The following CMTM8 variants were observed in gnomAD, a reference collection of about 807,000 sequenced individuals.
CMTM8 encodes the protein CKLF like MARVEL transmembrane domain containing 8, also known as CKLF-like MARVEL transmembrane domain-containing protein 8.
CMTM8 carries 12 observed loss-of-function variants against 18.6 expected under a neutral mutation model. The ratio of observed to expected loss-of-function variants is 0.65; its 90% CI spans 0.41 to 1.05. CMTM8 has a LOEUF of 1.05. Ranked by LOEUF, CMTM8 falls within the 50% of genes least tolerant of loss-of-function variation. CMTM8 has a pLI of 0.00. For missense variants in CMTM8, 217 were observed against 227.2 expected (o/e 0.95, Z 0.29); for synonymous variants, 87 against 90.6 (o/e 0.96, Z 0.23).
At position 32,238,952 on chromosome 3, in the gene CMTM8, C is replaced by T. The variant is rs1317792627; in HGVS notation, c.-21C>T. ...CCCGCCGGGGTCCCTGGGGACGCGC[C>T]AGCCCGGCAGTGGCTCGACGATGGA... On this transcript the variant is annotated 5_prime_UTR_variant, in exon 1 of 4. Coordinates refer to ENST00000307526, the MANE Select transcript of CMTM8 (RefSeq NM_178868.5). The T allele has an allele frequency of 6.5e-7, 1 of 1,543,210 alleles. No individual in the cohort carries two copies. Among genetic ancestry groups the T allele is most frequent in the Admixed American group, 2.0e-5 (1 of 50,560 alleles).
chr3:32,259,779 T>TGGTCACCACACA, intron 1 of CMTM8: 1 of 858,628 alleles, frequency 1.2e-6, no homozygotes, highest in East Asian at 2.4e-5. Flanking sequence ...AGCACCACAG[T>TGGTCACCACACA]GGTCACCACA....
chr3:32,258,659 G>A (rs1307021507), intron 1 of CMTM8, among the ~76,000 whole-genome samples: 6 of 152,014 alleles, frequency 3.9e-5, no homozygotes, highest in Non-Finnish European at 5.9e-5. Context: ...ACAGGCATGT[G>A]CCACCATGCC....
chr3:32,361,238 C>G (rs946741753), intron 2 of CMTM8, among the ~76,000 whole-genome samples: 1 of 146,490 alleles, frequency 6.8e-6, no homozygotes, highest in Non-Finnish European at 1.5e-5. Flanking sequence ...GCCTCGGTCT[C>G]CCAAAGTACT....
chr3:32,366,590 A>G (rs1697042315), intron 2 of CMTM8, among the ~76,000 whole-genome samples: 1 of 152,240 alleles, frequency 6.6e-6, no homozygotes, highest in Non-Finnish European at 1.5e-5. Flanking sequence ...AAAATTAGCA[A>G]CATTGAAATG....
chr3:32,252,179 G>A (rs1454759339), intron 1 of CMTM8, among the ~76,000 whole-genome samples: 1 of 152,160 alleles, frequency 6.6e-6, no homozygotes, highest in African/African-American at 2.4e-5. Context: ...TTACCCAAGT[G>A]GATATCCAGT....
intron 1 of CMTM8, among the ~76,000 whole-genome samples, chr3:32,336,537 A>G (rs1696389460): frequency 1.3e-5 from 2 of 152,240 alleles, no homozygotes; most frequent in Admixed American, 1.3e-4. Flanking sequence ...AAATAAAGAT[A>G]ATCATATCTC....
chr3:32,251,112 C>A (rs1702105280), intron 1 of CMTM8, among the ~76,000 whole-genome samples: 1 of 152,050 alleles, frequency 6.6e-6, no homozygotes, highest in Non-Finnish European at 1.5e-5. Flanking sequence ...TTGATATTTG[C>A]CAACTTGTTT....
At chr3:32,264,759 C>G (rs1409036559) in intron 1 of CMTM8, among the ~76,000 whole-genome samples, 2 of 152,018 alleles carry the variant, frequency 1.3e-5, no homozygotes, top group African/African-American at 2.4e-5. Context: ...GGAGGAAGAT[C>G]TACCAAGCAA....
intron 1 of CMTM8, among the ~76,000 whole-genome samples, chr3:32,280,042 A>T (rs1002756134): frequency 2.6e-5 from 4 of 151,796 alleles, no homozygotes; most frequent in Admixed American, 1.3e-4. Flanking sequence ...ATAATTAGTG[A>T]TTTTTTTAAG....
rs1461691344 is a variant in CMTM8, at chr3:32,299,508, A to G, written c.148-57865A>G. ...TTTTTAATTTTTGTGGCTACATAGT[A>G]GGTGCTTATGTACCTGGGGTACATG... On this transcript the variant is annotated intron_variant, in intron 1 of 3. Coordinates refer to ENST00000307526, the MANE Select transcript of CMTM8 (RefSeq NM_178868.5). Among the ~76,000 whole-genome samples the G allele has an allele frequency of 2.6e-5, 4 of 152,286 alleles. No individual in the cohort carries two copies. The East Asian group carries it at 7.7e-4, about 29-fold the overall frequency.
chr3:32,330,576 A>G (rs1696255651), intron 1 of CMTM8, among the ~76,000 whole-genome samples: 1 of 152,180 alleles, frequency 6.6e-6, no homozygotes, highest in Admixed American at 6.5e-5. Flanking sequence ...ATATAGACCA[A>G]TGGAACAGAA....
At chr3:32,277,915 G>T (rs972370885) in intron 1 of CMTM8, among the ~76,000 whole-genome samples, 1 of 152,176 alleles carries the variant, frequency 6.6e-6, no homozygotes, top group Non-Finnish European at 1.5e-5. Context: ...ATGCATGTTT[G>T]ACTGTTGTGA....
At chr3:32,333,471 C>G (rs536328601) in intron 1 of CMTM8, among the ~76,000 whole-genome samples, 9 of 152,194 alleles carry the variant, frequency 5.9e-5, no homozygotes, top group African/African-American at 2.2e-4. Context: ...TAACAAGACC[C>G]CTGGTGATTG....
intron 1 of CMTM8, among the ~76,000 whole-genome samples, chr3:32,298,053 T>C (rs900066773): frequency 2.7e-5 from 4 of 148,420 alleles, no homozygotes; most frequent in African/African-American, 1.0e-4. Context: ...ATCTCTTAAC[T>C]AAAAACTTTT....
intron 1 of CMTM8, among the ~76,000 whole-genome samples, chr3:32,265,267 T>G (rs1295797779): frequency 6.6e-6 from 1 of 152,182 alleles, no homozygotes; most frequent in Non-Finnish European, 1.5e-5. Flanking sequence ...CAGACCACAG[T>G]GCAATCAAAC....
chr3:32,322,207 G>T (rs529295551), intron 1 of CMTM8, among the ~76,000 whole-genome samples: 1 of 152,282 alleles, frequency 6.6e-6, no homozygotes, highest in East Asian at 1.9e-4. Flanking sequence ...CCAACTGAGT[G>T]TGCAGTCCAA....
chr3:32,307,989 A>G (rs1405565291), intron 1 of CMTM8, among the ~76,000 whole-genome samples: 1 of 152,246 alleles, frequency 6.6e-6, no homozygotes, highest in African/African-American at 2.4e-5. Flanking sequence ...AAGCCAAGAG[A>G]ATACTGAGAT....
chr3:32,326,178 C>T (rs1168609214), intron 1 of CMTM8, among the ~76,000 whole-genome samples: 4 of 152,218 alleles, frequency 2.6e-5, no homozygotes, highest in African/African-American at 9.6e-5. Context: ...TCGTCACACT[C>T]GATCGCATGA....
chr3:32,334,912 T>A (rs1037753799), intron 1 of CMTM8, among the ~76,000 whole-genome samples: 1 of 152,096 alleles, frequency 6.6e-6, no homozygotes, highest in Non-Finnish European at 1.5e-5. Flanking sequence ...GGCCAACTCC[T>A]ACCTTCCAGA....
Sources: allele counts gnomAD v4.1 joint callset (sites outside exome capture counted in the v4.1 genomes callset), GRCh38; gene constraint gnomAD v4.1.1; transcripts MANE v1.5; gene names NCBI Gene and HGNC (gene_info 2026-07-23, HGNC 2026-07-21).